The following UBE2V2 variants were observed in gnomAD, a reference collection of about 807,000 sequenced individuals.
UBE2V2 encodes ubiquitin conjugating enzyme E2 V2.
UBE2V2 carries 9 observed loss-of-function variants against 17.2 expected under a neutral mutation model. The ratio of observed to expected loss-of-function variants is 0.52; its 90% CI spans 0.32 to 0.91. UBE2V2 has a LOEUF of 0.91. Among genes scored for constraint, UBE2V2 ranks in the 40% least tolerant of loss-of-function variants. The pLI, the probability that UBE2V2 is intolerant of heterozygous loss-of-function variation, is 0.04. For missense variants in UBE2V2, 133 were observed against 182.6 expected (o/e 0.73, Z 1.56); for synonymous variants, 61 against 57.5 (o/e 1.06, Z -0.28).
intron 1 of UBE2V2, among the ~76,000 whole-genome samples, chr8:48,019,086 A>G (rs1166631621): frequency 5.9e-5 from 9 of 151,822 alleles, no homozygotes; most frequent in Non-Finnish European, 1.0e-4. Flanking sequence ...CAAAAATTGG[A>G]CCAGGAGCGG....
At chr8:48,031,484 G>T (rs2091382769) in intron 1 of UBE2V2, among the ~76,000 whole-genome samples, 1 of 152,038 alleles carries the variant, frequency 6.6e-6, no homozygotes, top group African/African-American at 2.4e-5. Context: ...GGGTAGGGTG[G>T]TTTTGGTTAC....
At chr8:48,039,082 G>T (rs773963679) in intron 1 of UBE2V2, among the ~76,000 whole-genome samples, 7 of 151,078 alleles carry the variant, frequency 4.6e-5, no homozygotes, top group Non-Finnish European at 5.9e-5. Flanking sequence ...TGTATTTTTA[G>T]TAGAGACGGG....
chr8:48,001,327 C>CA, the UBE2V2 span, among the ~76,000 whole-genome samples: 1 of 152,112 alleles, frequency 6.6e-6, no homozygotes, highest in Non-Finnish European at 1.5e-5. Flanking sequence ...ACCTTTAAAA[C>CA]ACTAGGACAT....
intron 3 of UBE2V2, among the ~76,000 whole-genome samples, chr8:48,058,761 G>T (rs1448103083): frequency 6.6e-6 from 1 of 151,978 alleles, no homozygotes; most frequent in Non-Finnish European, 1.5e-5. Flanking sequence ...TTTATATCAT[G>T]AAAGGTTTTT....
chr8:48,037,637 T>C (rs1238269262), intron 1 of UBE2V2, among the ~76,000 whole-genome samples: 1 of 152,214 alleles, frequency 6.6e-6, no homozygotes, highest in Non-Finnish European at 1.5e-5. Flanking sequence ...TGCTGAACTT[T>C]AAGCTCCACA....
intron 1 of UBE2V2, among the ~76,000 whole-genome samples, chr8:48,035,695 T>G (rs1264274105): frequency 1.3e-4 from 6 of 47,566 alleles, no homozygotes; most frequent in African/African-American, 5.3e-4. Context: ...TTTTTTTTTT[T>G]GAGACTGGGC....
At position 48,063,511 on chromosome 8, in the gene UBE2V2, G is replaced by T. The variant is rs893639053; in HGVS notation, c.*2683G>T. Reference sequence around the variant, plus strand: ...GCTAGCAAGTGAGACCCTTGAGGATGATCATATACTAATAAAGATTACCAA... The same window carrying T: ...GCTAGCAAGTGAGACCCTTGAGGATTATCATATACTAATAAAGATTACCAA... On this transcript the variant is annotated 3_prime_UTR_variant, in exon 4 of 4. Coordinates refer to ENST00000523111, the MANE Select transcript of UBE2V2 (RefSeq NM_003350.3). 13 of 152,188 alleles carry T rather than the reference G, an allele frequency of 8.5e-5. No homozygotes were observed. The highest frequency in any genetic ancestry group is 3.1e-4 in the African/African-American group (13 of 41,448). 9.4% of individuals were successfully genotyped at this position (152,188 alleles called of 1,614,324 possible).
chr8:48,033,322 G>A (rs1486525863), intron 1 of UBE2V2, among the ~76,000 whole-genome samples: 3 of 151,880 alleles, frequency 2.0e-5, no homozygotes, highest in Non-Finnish European at 4.4e-5. Flanking sequence ...GAGTAACTGG[G>A]ATTATGGGCT....
At chr8:48,014,537 C>T (rs1012589980) in intron 1 of UBE2V2, among the ~76,000 whole-genome samples, 1 of 148,146 alleles carries the variant, frequency 6.8e-6, no homozygotes, top group Non-Finnish European at 1.5e-5. Flanking sequence ...CCCAGCTACT[C>T]GGGAGGCTGA....
chr8:48,053,422 A>T (rs1256611415), intron 3 of UBE2V2, among the ~76,000 whole-genome samples: 4 of 136,542 alleles, frequency 2.9e-5, no homozygotes, highest in Non-Finnish European at 4.8e-5. Flanking sequence ...AGATCTTTTA[A>T]TTTTTTTTTT....
Position 48,060,937 on chromosome 8 carries a change from G to A in UBE2V2, c.*109G>A, listed in dbSNP as rs577591508. On this transcript the variant is annotated 3_prime_UTR_variant, in exon 4 of 4. Transcript: ENST00000523111. ...ACATTAAGTAAAAGAATTCCAGCTGGTAAACATGACCTGGACATTTGTAAG... is the reference window on the plus strand; with the variant it reads ...ACATTAAGTAAAAGAATTCCAGCTGATAAACATGACCTGGACATTTGTAAG... 4 of 1,037,036 alleles carry A rather than the reference G, an allele frequency of 3.9e-6. No homozygotes were observed. In the South Asian group the frequency reaches 1.4e-4, roughly 36 times the overall value. 64.2% of individuals were successfully genotyped at this position (1,037,036 alleles called of 1,614,324 possible).
Position 48,008,459 on chromosome 8 carries a change from C to A in UBE2V2, c.5C>A (p.Ala2Glu). The A allele has an allele frequency of 2.6e-6, 4 of 1,567,664 alleles. No individual in the cohort carries two copies. Among genetic ancestry groups the A allele is most frequent in the Non-Finnish European group, 3.5e-6 (4 of 1,159,126 alleles). Residue 2 changes from alanine to glutamate, a missense_variant, in exon 1 of 4, where the codon GCG becomes GAG. Transcript: ENST00000523111. MAVSTGVKVPRN... is the reference protein window; with the variant it reads MEVSTGVKVPRN... Reference sequence around the variant, plus strand: ...TGCGTCGGGCTGCAGGAGAAGATGGCGGTCTCCACAGGTCGGTTCCCGGGC... The same window carrying A: ...TGCGTCGGGCTGCAGGAGAAGATGGAGGTCTCCACAGGTCGGTTCCCGGGC...
chr8:48,014,686 T>C (rs2091256416), intron 1 of UBE2V2, among the ~76,000 whole-genome samples: 1 of 149,042 alleles, frequency 6.7e-6, no homozygotes, highest in African/African-American at 2.5e-5. Flanking sequence ...ATGAAACCAG[T>C]AAAATTAATA....
intron 1 of UBE2V2, among the ~76,000 whole-genome samples, chr8:48,015,284 A>G (rs7824066): frequency 0.22 from 34,091 of 151,756 alleles, 7,453 homozygotes; most frequent in African/African-American, 0.56. Flanking sequence ...AGGCTGAGGT[A>G]GAGTATGGGT....
chr8:48,015,090 G>C lies in UBE2V2; in HGVS notation c.16+6620G>C, dbSNP rs1038739464. Among the ~76,000 whole-genome samples the C allele has an allele frequency of 2.2e-4, 33 of 149,538 alleles. 1 individual carries two copies. Among genetic ancestry groups the C allele is most frequent in the African/African-American group, 8.1e-4 (33 of 40,732 alleles). On this transcript the variant is annotated intron_variant, in intron 1 of 3. Coordinates refer to ENST00000523111, the MANE Select transcript of UBE2V2 (RefSeq NM_003350.3). ...AAAAAAATAAGGCTTGTCAAGAGTA[G>C]CTTGAGGCTGGGTGCAGTGGCTTCC...
chr8:48,052,804 C>T (rs145283759), intron 3 of UBE2V2, among the ~76,000 whole-genome samples: 8 of 152,346 alleles, frequency 5.3e-5, no homozygotes, highest in African/African-American at 1.7e-4. Context: ...TGCACACTGG[C>T]CTGCATGCCT....
At chr8:48,038,441 G>C (rs1054796259) in intron 1 of UBE2V2, among the ~76,000 whole-genome samples, 1 of 151,752 alleles carries the variant, frequency 6.6e-6, no homozygotes, top group Non-Finnish European at 1.5e-5. Context: ...TTAGTCTCCT[G>C]AGTAGCTGGG....
chr8:48,011,801 G>A (rs11987748), intron 1 of UBE2V2, among the ~76,000 whole-genome samples: 4,324 of 152,160 alleles, frequency 0.028, 208 homozygotes, highest in African/African-American at 0.097. Flanking sequence ...ACACAGGCAC[G>A]CATTGCCACA....
the UBE2V2 span, among the ~76,000 whole-genome samples, chr8:47,999,955 C>T: frequency 6.6e-6 from 1 of 152,208 alleles, no homozygotes; most frequent in Non-Finnish European, 1.5e-5. Context: ...CAGAATGGAA[C>T]AGAACAGGAC....
Sources: allele counts gnomAD v4.1 joint callset (sites outside exome capture counted in the v4.1 genomes callset), GRCh38; gene constraint gnomAD v4.1.1; transcripts MANE v1.5; gene names NCBI Gene and HGNC (gene_info 2026-07-23, HGNC 2026-07-21).